The following MPP7 variants were observed in gnomAD, a reference collection of about 807,000 sequenced individuals.
The protein encoded by MPP7 is MAGUK p55 subfamily member 7.
In MPP7, 60 loss-of-function variants were observed where a neutral mutation model predicts 76.5. The ratio of observed to expected loss-of-function variants is 0.78; its 90% CI spans 0.64 to 0.97. The LOEUF (loss-of-function observed/expected upper bound fraction) is 0.97, where lower values mean the gene tolerates loss of function less well. MPP7 is among the 50% of genes least tolerant of loss of function. The pLI is 0.00. For missense variants in MPP7, 641 were observed against 694.0 expected, an observed-to-expected ratio of 0.92 and a Z score of 0.86; for synonymous variants, 237 against 244.5, an observed-to-expected ratio of 0.97 and a Z score of 0.29.
chr10:28,163,330 T>C (rs1474323689), intron 3 of MPP7, among the ~76,000 whole-genome samples: 2 of 152,226 alleles, frequency 1.3e-5, no homozygotes, highest in Non-Finnish European at 2.9e-5. Flanking sequence ...GGCTGACTCC[T>C]TGACATTAGA....
chr10:28,331,826 C>A (rs1346301226), intron 1 of MPP7, among the ~76,000 whole-genome samples: 1 of 152,202 alleles, frequency 6.6e-6, no homozygotes, highest in East Asian at 1.9e-4. Flanking sequence ...TCAGCCACCT[C>A]AGCCTCCCAA....
chr10:28,099,668 G>A (rs902687807), intron 11 of MPP7, among the ~76,000 whole-genome samples: 3 of 152,142 alleles, frequency 2.0e-5, no homozygotes, highest in East Asian at 1.9e-4. Context: ...TCAGCCGGAT[G>A]TGGTGGTGCA....
chr10:28,188,413 G>A (rs1449712374), intron 3 of MPP7, among the ~76,000 whole-genome samples: 2 of 152,068 alleles, frequency 1.3e-5, no homozygotes, highest in African/African-American at 4.8e-5. Flanking sequence ...AAAGGGGTAG[G>A]CAATTAAGAG....
At chr10:28,107,206 T>G (rs1247816783) in intron 11 of MPP7, among the ~76,000 whole-genome samples, 1 of 152,096 alleles carries the variant, frequency 6.6e-6, no homozygotes, top group Non-Finnish European at 1.5e-5. Flanking sequence ...TCTTCTATCT[T>G]TATCCCCCAT....
chr10:28,103,363 G>T (rs1422819489), intron 11 of MPP7, among the ~76,000 whole-genome samples: 1 of 151,032 alleles, frequency 6.6e-6, no homozygotes, highest in Non-Finnish European at 1.5e-5. Context: ...CTGTCTTGGG[G>T]CCTTTGCACA....
At chr10:28,176,340 AAAAAC>A (rs57735759) in intron 3 of MPP7, among the ~76,000 whole-genome samples, 2,398 of 151,008 alleles carry the variant, frequency 0.016, 30 homozygotes, top group East Asian at 0.058. Flanking sequence ...CAGTTGGGTC[AAAAAC>A]AAAACAAAAC....
At chr10:28,107,831 G>A (rs1228142307) in intron 11 of MPP7, among the ~76,000 whole-genome samples, 2 of 152,144 alleles carry the variant, frequency 1.3e-5, no homozygotes, top group African/African-American at 2.4e-5. Flanking sequence ...AGTATCATGA[G>A]AATAAATGCT....
intron 11 of MPP7, chr10:28,118,574 ACGCTTAAGAACAG>A: frequency 1.0e-6 from 1 of 985,366 alleles, no homozygotes; most frequent in Non-Finnish European, 1.2e-6. Flanking sequence ...AAAAGTCATC[ACGCTTAAGAACAG>A]TGCAATATTC....
intron 1 of MPP7, among the ~76,000 whole-genome samples, chr10:28,250,787 C>T (rs1393674023): frequency 6.6e-6 from 1 of 152,226 alleles, no homozygotes; most frequent in African/African-American, 2.4e-5. Context: ...TCTAGTTCCT[C>T]TGCCTGCTTC....
chr10:28,183,970 T>C (rs1211151344), intron 3 of MPP7, among the ~76,000 whole-genome samples: 1 of 152,130 alleles, frequency 6.6e-6, no homozygotes, highest in African/African-American at 2.4e-5. Flanking sequence ...CCAGACAATA[T>C]TTAAAGCACA....
chr10:28,262,200 T>C (rs377538081), intron 1 of MPP7, among the ~76,000 whole-genome samples: 12 of 15,928 alleles, frequency 7.5e-4, no homozygotes, highest in African/African-American at 1.5e-3. Context: ...TATATATATA[T>C]ATATATACAT....
intron 2 of MPP7, among the ~76,000 whole-genome samples, chr10:28,219,539 A>T (rs1373572835): frequency 6.6e-6 from 1 of 152,186 alleles, no homozygotes; most frequent in Non-Finnish European, 1.5e-5. Flanking sequence ...GGGAAGCCAT[A>T]AACCTATGTT....
chr10:28,197,181 C>CTTTTTT (rs11330044), intron 3 of MPP7, among the ~76,000 whole-genome samples: 1 of 115,250 alleles, frequency 8.7e-6, no homozygotes. Flanking sequence ...GAGCAACTTC[C>CTTTTTT]TTTTTTTTTT....
rs573496410 is a variant in MPP7 at position 28,216,204 on chromosome 10, C to T, written c.38-13933G>A. On this transcript the variant is annotated intron_variant, in intron 2 of 16. Transcript: ENST00000683449. ...ACCAGCCTGAGCAACATAGCAAGAC[C>T]CCGTTTCTAAAAAAAAAAAGGAGGA... 4.8e-3 allele frequency among the ~76,000 whole-genome samples: 724 copies of T among 151,586 alleles called. 5 individuals are homozygous for T. The highest frequency in any genetic ancestry group is 0.016 in the African/African-American group (677 of 41,238).
intron 14 of MPP7, among the ~76,000 whole-genome samples, chr10:28,058,879 T>C (rs1057021481): frequency 6.6e-6 from 1 of 152,168 alleles, no homozygotes; most frequent in African/African-American, 2.4e-5. Flanking sequence ...ACCCCCTTTT[T>C]CTTCAGAACT....
At chr10:28,292,028 G>A (rs1267852704) in intron 1 of MPP7, among the ~76,000 whole-genome samples, 1 of 152,064 alleles carries the variant, frequency 6.6e-6, no homozygotes, top group Non-Finnish European at 1.5e-5. Context: ...CCATGCAGGT[G>A]GACCATGTTT....
chr10:28,185,281 A>G (rs1441575331), intron 3 of MPP7, among the ~76,000 whole-genome samples: 1 of 151,444 alleles, frequency 6.6e-6, no homozygotes, highest in Non-Finnish European at 1.5e-5. Context: ...ATAATAATAT[A>G]AGTTATTATC....
At chr10:28,123,578 C>T (rs1425356634) in intron 8 of MPP7, among the ~76,000 whole-genome samples, 1 of 150,484 alleles carries the variant, frequency 6.6e-6, no homozygotes, top group Non-Finnish European at 1.5e-5. Context: ...AAGCGATTCT[C>T]CTGCCTCAGC....
rs3802519 is a variant in MPP7 at position 28,052,785 on chromosome 10, T to A, written c.*1280A>T. On this transcript the variant is annotated 3_prime_UTR_variant, in exon 17 of 17. Transcript: ENST00000683449. ...TTACAAATCAACAAAAAAATAACAT[T>A]TTTTTTTCCACTTTGAAAGTCACAG... 4 of 152,068 alleles carry A rather than the reference T, an allele frequency of 2.6e-5. No homozygotes were observed. The East Asian group carries it at 7.7e-4, about 29-fold the overall frequency. The allele number at this position is 152,068 out of a possible 1,614,324, so 9.4% of individuals were successfully genotyped here.
Sources: allele counts gnomAD v4.1 joint callset (sites outside exome capture counted in the v4.1 genomes callset), GRCh38; gene constraint gnomAD v4.1.1; transcripts MANE v1.5; gene names NCBI Gene and HGNC (gene_info 2026-07-23, HGNC 2026-07-21).